Variants in U2SURP observed in about 807,000 individuals in gnomAD.
U2SURP encodes the protein U2 snRNP associated SURP domain containing, also known as U2 snRNP-associated SURP motif-containing protein.
In U2SURP, 9 loss-of-function variants were observed where a neutral mutation model predicts 144.9. The observed-to-expected ratio is 0.06, with a 90% CI of 0.04 to 0.11. The LOEUF is 0.11. U2SURP is among the 10% of genes least tolerant of loss of function. U2SURP has a pLI of 1.00. For synonymous variants in U2SURP, 408 were observed against 396.8 expected, an observed-to-expected ratio of 1.03 and a Z score of -0.33; for missense variants, 724 against 1,226.7, an observed-to-expected ratio of 0.59 and a Z score of 6.12.
chr3:143,027,349 A>T, intron 14 of U2SURP, 96 bp downstream of exon 14: 1 of 857,548 alleles, frequency 1.2e-6, no homozygotes, highest in South Asian at 1.7e-5. Flanking sequence ...AAGTACATTC[A>T]CATTGTTGTA....
intron 1 of U2SURP, among the ~76,000 whole-genome samples, chr3:143,007,496 C>CA (rs1467766830): frequency 6.9e-6 from 1 of 145,790 alleles, no homozygotes. Context: ...CCCAGGCCTG[C>CA]AGTAGTGCTA....
intron 23 of U2SURP, among the ~76,000 whole-genome samples, chr3:143,041,969 TACACACACAC>T (rs10550292): frequency 6.7e-6 from 1 of 149,426 alleles, no homozygotes; most frequent in East Asian, 1.9e-4. Context: ...GCCAATAGTA[TACACACACAC>T]ACACACACAC....
intron 17 of U2SURP, 138 bp from the exon 18 acceptor site, chr3:143,033,133 C>A: frequency 1.2e-6 from 1 of 826,366 alleles, no homozygotes; most frequent in Non-Finnish European, 1.9e-6. Flanking sequence ...AATGGGTTAA[C>A]AAATTTCATC....
chr3:143,032,934 C>G lies in U2SURP; in HGVS notation c.1761C>G (p.Pro587=). Residue 587 remains proline, a synonymous_variant, in exon 17 of 28, where the codon CCC becomes CCG. Coordinates refer to ENST00000473835, the MANE Select transcript of U2SURP (RefSeq NM_001080415.2). ...ITESLSILKT[P]LPKKIARLYL... ...AGTCGTTGTCCATCTTAAAGACACC[C>G]CTTCCTAAAAAGGTATGGGAATGAA... The G allele has an allele frequency of 6.2e-7, 1 of 1,610,948 alleles. No homozygotes were observed.
intron 24 of U2SURP, among the ~76,000 whole-genome samples, chr3:143,050,334 A>C (rs1004221641): frequency 1.3e-4 from 20 of 152,108 alleles, no homozygotes; most frequent in African/African-American, 3.9e-4. Context: ...CGGCCTCCCA[A>C]AGTGCTGGGA....
chr3:143,038,779 T>G (rs919223550), intron 22 of U2SURP, 115 bp from the exon 23 acceptor site: 1 of 676,818 alleles, frequency 1.5e-6, no homozygotes, highest in South Asian at 2.1e-5. Flanking sequence ...AAACATAGAT[T>G]AAAAAAACTT....
chr3:143,006,702 A>T (rs1255688836), intron 1 of U2SURP, among the ~76,000 whole-genome samples: 1 of 152,164 alleles, frequency 6.6e-6, no homozygotes, highest in Non-Finnish European at 1.5e-5. Flanking sequence ...AGATCATGCC[A>T]TTGCACTCCA....
At position 143,031,062 on chromosome 3, in the gene U2SURP, T is replaced by G. The variant is rs1933454865; in HGVS notation, c.1611-1722T>G. ...ATAGCAAGGGAACTAGAATTAGAAG[T>G]AGAGCTCAAAGATGGGACTGAATTG... On this transcript the variant is annotated intron_variant, in intron 16 of 27. Coordinates refer to ENST00000473835, the MANE Select transcript of U2SURP (RefSeq NM_001080415.2). Among the ~76,000 whole-genome samples the G allele has an allele frequency of 2.0e-5, 3 of 152,160 alleles. 1 individual carries two copies. Among genetic ancestry groups the G allele is most frequent in the Admixed American group, 1.3e-4 (2 of 15,266 alleles).
chr3:143,050,453 G>T (rs144041862), intron 24 of U2SURP, among the ~76,000 whole-genome samples: 9 of 152,254 alleles, frequency 5.9e-5, no homozygotes, highest in East Asian at 5.8e-4. Flanking sequence ...TTTGTGTTTT[G>T]ATATCTGGTG....
At chr3:143,051,567 C>G (rs745864096) in intron 25 of U2SURP, among the ~76,000 whole-genome samples, 1 of 111,974 alleles carries the variant, frequency 8.9e-6, no homozygotes, top group Non-Finnish European at 1.7e-5. Flanking sequence ...ATTTTAGAAC[C>G]AGGAACCTCA....
At chr3:143,010,613 A>G (rs1936074595) in intron 1 of U2SURP, among the ~76,000 whole-genome samples, 1 of 152,216 alleles carries the variant, frequency 6.6e-6, no homozygotes, top group South Asian at 2.1e-4. Context: ...GGAAATATGC[A>G]GGCTGAATTT....
chr3:143,019,460 A>G (rs1936531776), intron 6 of U2SURP, among the ~76,000 whole-genome samples: 1 of 152,218 alleles, frequency 6.6e-6, no homozygotes, highest in African/African-American at 2.4e-5. Flanking sequence ...CATTTAGTAT[A>G]TGGTGTAAAG....
At chr3:143,042,446 A>AT (rs956511431) in intron 23 of U2SURP, among the ~76,000 whole-genome samples, 17 of 151,736 alleles carry the variant, frequency 1.1e-4, no homozygotes, top group African/African-American at 3.4e-4. Flanking sequence ...TTTATTTTTA[A>AT]TTTTTTTTAA....
intron 19 of U2SURP, among the ~76,000 whole-genome samples, chr3:143,035,454 C>T (rs4683444): frequency 0.68 from 102,643 of 152,034 alleles, 34,851 homozygotes; most frequent in African/African-American, 0.75. Context: ...TTTTTAGTTT[C>T]GGAAGATGCC....
intron 23 of U2SURP, 26 bp downstream of exon 23, chr3:143,038,986 T>C (rs1254349189): frequency 3.5e-6 from 5 of 1,434,222 alleles, no homozygotes; most frequent in Non-Finnish European, 3.7e-6. Context: ...TTGAATATAC[T>C]GTTTCTTGTT....
intron 25 of U2SURP, among the ~76,000 whole-genome samples, chr3:143,051,662 G>A (rs1934871364): frequency 6.9e-6 from 1 of 145,596 alleles, no homozygotes; most frequent in African/African-American, 2.5e-5. Context: ...AAGTGAAATA[G>A]GAAAGAGCCA....
chr3:143,036,805 C>A, intron 20 of U2SURP: 1 of 182,162 alleles, frequency 5.5e-6, no homozygotes, highest in East Asian at 1.5e-4. Context: ...TAGTATGATA[C>A]GCCCTTTTGC....
intron 24 of U2SURP, among the ~76,000 whole-genome samples, chr3:143,049,450 G>T (rs1214895331): frequency 6.6e-6 from 1 of 152,104 alleles, no homozygotes; most frequent in Non-Finnish European, 1.5e-5. Flanking sequence ...AATAAAATAG[G>T]ATAAAATGTT....
chr3:143,010,429 C>G (rs1936065091), intron 1 of U2SURP, among the ~76,000 whole-genome samples: 1 of 152,140 alleles, frequency 6.6e-6, no homozygotes, highest in East Asian at 1.9e-4. Context: ...AAAGAGAGTT[C>G]TCGTGCTGTG....
Sources: gnomAD v4.1 joint callset for allele counts (sites outside exome capture counted in the v4.1 genomes callset) on GRCh38, gnomAD v4.1.1 for gene constraint, MANE v1.5 for transcripts, NCBI Gene and HGNC (gene_info 2026-07-23, HGNC 2026-07-21) for gene names.